ELFN1: variants seen among roughly 807,000 people sequenced by gnomAD.
The protein encoded by ELFN1 is extracellular leucine rich repeat and fibronectin type III domain containing 1.
In ELFN1, 6 loss-of-function variants were observed where a neutral mutation model predicts 7.6. The ratio of observed to expected loss-of-function variants is 0.79; its 90% confidence interval spans 0.43 to 1.56. The LOEUF (loss-of-function observed/expected upper bound fraction) is 1.56. Among genes scored for constraint, ELFN1 ranks in the 40% most tolerant of loss-of-function variants. The pLI is 0.01. For missense variants in ELFN1, 1,169 were observed against 1,232.2 expected (o/e 0.95, Z 0.77); for synonymous variants, 657 against 588.1 (o/e 1.12, Z -1.70).
chr7:1,737,946 C>T (rs957513093), intron 3 of ELFN1, among the ~76,000 whole-genome samples: 4 of 152,232 alleles, frequency 2.6e-5, no homozygotes, highest in African/African-American at 9.6e-5. Context: ...CTTCCAGCTC[C>T]CTCCAGGCCC....
chr7:1,678,407 C>T (rs1444748977), intron 1 of ELFN1, among the ~76,000 whole-genome samples: 1 of 152,212 alleles, frequency 6.6e-6, no homozygotes, highest in African/African-American at 2.4e-5. Flanking sequence ...GGGTAAGGCC[C>T]GCGCCACTGG....
chr7:1,746,061 C>T lies in ELFN1; in HGVS notation c.1465C>T (p.Leu489=). 2 of 1,547,046 alleles carry T rather than the reference C, an allele frequency of 1.3e-6. No homozygotes were observed. The highest frequency in any genetic ancestry group is 2.4e-5 in the South Asian group (2 of 83,860). ...GGCCCCGCTGTCCCAGGGCCCGCTG[C>T]TGGGCCCCGAGGCCGTGACGCGCAT... is the stretch of plus-strand genomic sequence containing the variant. ...GLAPLSQGPL[L]GPEAVTRIPY... is the part of the protein sequence containing the mutation. The change falls in exon 4 of 4, where the codon CTG becomes TTG. Residue 489 remains leucine, a synonymous_variant. Transcript: ENST00000424383.
In ELFN1 at chr7:1,710,271, G is replaced by A. The variant is rs1583345718; in HGVS notation, c.-294+1019G>A. On this transcript the variant is annotated intron_variant, in intron 3 of 3. Coordinates refer to ENST00000424383, the MANE Select transcript of ELFN1 (RefSeq NM_001128636.4). ...TTTCGGGTTCTCTCCTTCATTACAT[G>A]GGGGGACAGACAATCTGTCTAGAAC... Among the ~76,000 whole-genome samples, 6 of 152,178 alleles carry A rather than the reference G, an allele frequency of 3.9e-5. No individual in the cohort carries two copies. In the East Asian group the frequency reaches 7.7e-4, roughly 20 times the overall value.
rs778998605 is a variant in ELFN1 at position 1,740,417 on chromosome 7, G to A, written c.-293-3887G>A. Among the ~76,000 whole-genome samples, 5 of 152,252 alleles carry A rather than the reference G, an allele frequency of 3.3e-5. No individual in the cohort carries two copies. The highest frequency in any genetic ancestry group is 9.6e-5 in the African/African-American group (4 of 41,476). ...TGCGGGGTCTCCGCACCTGCCCTCC[G>A]TGCCAGACAGCACTCCTTTCTAGAA... On this transcript the variant is annotated intron_variant, in intron 3 of 3. Transcript: ENST00000424383. The surrounding 1 kb of genome is among the most constrained non-coding windows in gnomAD (Gnocchi z 5.0).
chr7:1,666,694 G>A (rs1444235898), upstream of ELFN1, among the ~76,000 whole-genome samples: 2 of 151,814 alleles, frequency 1.3e-5, no homozygotes. The surrounding 1 kb of genome is among the most constrained non-coding windows in gnomAD (Gnocchi z 7.9). Context: ...GGCGCCCCAA[G>A]TTGAACCACA....
At chr7:1,742,783 C>G (rs1399447020) in intron 3 of ELFN1, among the ~76,000 whole-genome samples, 1 of 152,230 alleles carries the variant, frequency 6.6e-6, no homozygotes, top group Non-Finnish European at 1.5e-5. Flanking sequence ...GAAATAGACT[C>G]TTCTCCAGGA....
chr7:1,684,707 T>G (rs1022831853), intron 1 of ELFN1, among the ~76,000 whole-genome samples: 4 of 152,176 alleles, frequency 2.6e-5, no homozygotes, highest in Non-Finnish European at 5.9e-5. Context: ...TACTAACAAT[T>G]ATGGTAAAAT....
At chr7:1,731,681 T>C (rs925681380) in intron 3 of ELFN1, among the ~76,000 whole-genome samples, 1 of 152,234 alleles carries the variant, frequency 6.6e-6, no homozygotes, top group African/African-American at 2.4e-5. Context: ...AGACGGAGTC[T>C]CGCTCTGTCG....
rs760083875 is a variant in ELFN1 at position 1,746,761 on chromosome 7, C to T, written c.2165C>T (p.Pro722Leu). 18 of 1,505,064 alleles carry T rather than the reference C, an allele frequency of 1.2e-5. No homozygotes were observed. Among genetic ancestry groups the T allele is most frequent in the Admixed American group, 4.3e-5 (2 of 46,186 alleles). The allele number at this position is 1,505,064 out of a possible 1,614,324, so 93.2% of individuals were successfully genotyped here. A position where few individuals can be genotyped will look rare whatever the true frequency, so the allele number is the denominator to read the frequency against. The change falls in exon 4 of 4, where the codon CCG (proline) becomes CTG (leucine). Residue 722 changes from proline to leucine, a missense_variant. This residue lies in a region of ELFN1 where 914 missense variants were observed against 872.6 expected (regional missense o/e 1.05). Coordinates refer to ENST00000424383, the MANE Select transcript of ELFN1 (RefSeq NM_001128636.4). The stretch of plus-strand genomic sequence containing the variant: ...GAGCCACCTGCGCCCCCCGGGCCAC[C>T]GCCGCCGCCTCCGCACGAGGGCCTG... ...PAEPPAPPGP[P>L]PPPPHEGLGR...
rs561853416 is a variant in ELFN1 at position 1,690,361 on chromosome 7, G to A, written c.-456+2211G>A. On this transcript the variant is annotated intron_variant, in intron 2 of 3. Coordinates refer to ENST00000424383, the MANE Select transcript of ELFN1 (RefSeq NM_001128636.4). Reference sequence around the variant, plus strand: ...ATATGGATGATGGATGGATGGATGGGTGGGTGGGTGAATGGATGAATGGAT... The same window carrying A: ...ATATGGATGATGGATGGATGGATGGATGGGTGGGTGAATGGATGAATGGAT... Among the ~76,000 whole-genome samples the A allele has an allele frequency of 6.7e-5, 10 of 149,888 alleles. No individual in the cohort carries two copies. The South Asian group carries it at 1.7e-3, about 26-fold the overall frequency.
intron 1 of ELFN1, among the ~76,000 whole-genome samples, chr7:1,679,162 T>C (rs1348810863): frequency 6.7e-6 from 1 of 149,474 alleles, no homozygotes. Flanking sequence ...CACACACGCG[T>C]GCACACACGT....
chr7:1,719,318 C>CGGCTCTGGG (rs1779942095), intron 3 of ELFN1, among the ~76,000 whole-genome samples: 1 of 125,506 alleles, frequency 8.0e-6, no homozygotes, highest in African/African-American at 3.6e-5. Flanking sequence ...CCAACAGGAC[C>CGGCTCTGGG]CAAGCCACCA....
intron 2 of ELFN1, among the ~76,000 whole-genome samples, chr7:1,707,470 C>T (rs915352944): frequency 6.6e-6 from 1 of 152,162 alleles, no homozygotes; most frequent in African/African-American, 2.4e-5. Flanking sequence ...CCTCCCAGCG[C>T]GGGAAGCAGG....
At chr7:1,685,822 A>G (rs1479121148) in intron 1 of ELFN1, among the ~76,000 whole-genome samples, 1 of 148,344 alleles carries the variant, frequency 6.7e-6, no homozygotes, top group African/African-American at 2.4e-5. Context: ...AAGATAATAT[A>G]TAAACCATCT....
chr7:1,728,297 T>C (rs1243644112), intron 3 of ELFN1, among the ~76,000 whole-genome samples: 1 of 152,242 alleles, frequency 6.6e-6, no homozygotes, highest in Non-Finnish European at 1.5e-5. Flanking sequence ...GCCTGCACCC[T>C]TCCCAGAGGC....
intron 3 of ELFN1, among the ~76,000 whole-genome samples, chr7:1,729,581 G>T (rs889670756): frequency 6.6e-6 from 1 of 152,200 alleles, no homozygotes; most frequent in Non-Finnish European, 1.5e-5. Flanking sequence ...TGCCCAGGAC[G>T]GACACGGCTT....
chr7:1,731,768 G>C (rs752967509), intron 3 of ELFN1, among the ~76,000 whole-genome samples: 3 of 152,220 alleles, frequency 2.0e-5, no homozygotes, highest in Admixed American at 6.5e-5. Context: ...TCCTGTCTCA[G>C]CCTCCTGAGT....
At position 1,746,564 on chromosome 7, in the gene ELFN1, C is replaced by T. The variant is rs1014884679; in HGVS notation, c.1968C>T (p.Ala656=). ...GCCCCCGCGCCTTCCGAGCCGAGGC[C>T]GTCGGGGTGCACAAGGCCGCGGCCG... ...VRSPRAFRAE[A]VGVHKAAAAE... The change falls in exon 4 of 4, where the codon GCC becomes GCT. Residue 656 remains alanine, a synonymous_variant. Transcript: ENST00000424383. 36 of 1,358,564 alleles carry T rather than the reference C, an allele frequency of 2.6e-5. No homozygotes were observed. The Admixed American group carries it at 5.1e-4, about 19-fold the overall frequency. The allele number at this position is 1,358,564 out of a possible 1,614,324, so 84.2% of individuals were successfully genotyped here.
At chr7:1,725,168 C>T (rs1450961227) in intron 3 of ELFN1, among the ~76,000 whole-genome samples, 1 of 152,244 alleles carries the variant, frequency 6.6e-6, no homozygotes, top group Non-Finnish European at 1.5e-5. Context: ...ACCCTGAGAC[C>T]CCAAAACCTG....
Sources: allele counts gnomAD v4.1 joint callset (sites outside exome capture counted in the v4.1 genomes callset), GRCh38; gene constraint gnomAD v4.1.1; regional missense constraint gnomAD v4.1.1; non-coding constraint Gnocchi (gnomAD v3.1); transcripts MANE v1.5; gene names NCBI Gene and HGNC (gene_info 2026-07-23, HGNC 2026-07-21).